The following MCPH1 variants were observed in gnomAD, a reference collection of about 807,000 sequenced individuals.
The protein encoded by MCPH1 is microcephalin.
Under a neutral mutation model 84.5 loss-of-function variants are expected in MCPH1, and 104 were observed. The ratio of observed to expected loss-of-function variants is 1.23; its 90% confidence interval spans 1.05 to 1.45. The LOEUF (loss-of-function observed/expected upper bound fraction) is 1.45, where lower values mean the gene tolerates loss of function less well. MCPH1 is among the 40% of genes most tolerant of loss of function. MCPH1 has a pLI of 0.00. For missense variants in MCPH1, 1,498 were observed against 1,005.7 expected (o/e 1.49, Z -6.62); for synonymous variants, 514 against 366.8 (o/e 1.40, Z -4.58).
chr8:6,474,387 A>T (rs1432329850), intron 9 of MCPH1: 4 of 321,430 alleles, frequency 1.2e-5, no homozygotes, highest in African/African-American at 4.3e-5. Flanking sequence ...GACTGAACTC[A>T]GGGAGTCTGT....
chr8:6,531,242 G>A (rs1563076574), intron 12 of MCPH1, among the ~76,000 whole-genome samples: 2 of 150,754 alleles, frequency 1.3e-5, no homozygotes, highest in South Asian at 4.3e-4. Context: ...TTCTTCTTTT[G>A]AAATTTTCCT....
chr8:6,499,355 A>G (rs939941383), intron 11 of MCPH1, among the ~76,000 whole-genome samples: 1 of 152,172 alleles, frequency 6.6e-6, no homozygotes, highest in Non-Finnish European at 1.5e-5. Context: ...AAGTCTGGGA[A>G]GGAATTTCAA....
chr8:6,546,568 T>A (rs924243914), intron 12 of MCPH1, among the ~76,000 whole-genome samples: 1 of 152,170 alleles, frequency 6.6e-6, no homozygotes, highest in African/African-American at 2.4e-5. Context: ...TATATGTATA[T>A]TGGTATTTTC....
At chr8:6,558,112 A>C (rs1465100428) in intron 12 of MCPH1, among the ~76,000 whole-genome samples, 1 of 152,062 alleles carries the variant, frequency 6.6e-6, no homozygotes, top group South Asian at 2.1e-4. Context: ...ACCTCTCGTC[A>C]TGTCATTTTT....
intron 9 of MCPH1, among the ~76,000 whole-genome samples, chr8:6,457,564 C>G (rs1805832302): frequency 2.0e-5 from 3 of 152,092 alleles, no homozygotes; most frequent in Admixed American, 1.3e-4. Flanking sequence ...GAGATCATGC[C>G]ACTGCACTCC....
At chr8:6,610,512 A>T (rs1370270789) in intron 12 of MCPH1, among the ~76,000 whole-genome samples, 2 of 152,162 alleles carry the variant, frequency 1.3e-5, no homozygotes, top group East Asian at 1.9e-4. Flanking sequence ...AAAAGCCATA[A>T]TCTTCCTCCA....
chr8:6,595,196 C>T (rs964448909), intron 12 of MCPH1, among the ~76,000 whole-genome samples: 2 of 152,170 alleles, frequency 1.3e-5, no homozygotes, highest in Non-Finnish European at 2.9e-5. Flanking sequence ...TGCCTGCATA[C>T]TTGGGATATG....
At chr8:6,590,146 A>G (rs1204446301) in intron 12 of MCPH1, among the ~76,000 whole-genome samples, 1 of 152,156 alleles carries the variant, frequency 6.6e-6, no homozygotes, top group South Asian at 2.1e-4. Flanking sequence ...AGCTGAAAAA[A>G]GTATTTTTGC....
At chr8:6,411,814 G>C (rs1798573519) in intron 2 of MCPH1, among the ~76,000 whole-genome samples, 1 of 152,178 alleles carries the variant, frequency 6.6e-6, no homozygotes, top group Non-Finnish European at 1.5e-5. Flanking sequence ...GGCATCCACT[G>C]GGAGGGGTTG....
intron 13 of MCPH1, among the ~76,000 whole-genome samples, chr8:6,637,091 C>G (rs548567973): frequency 6.6e-6 from 1 of 152,352 alleles, no homozygotes; most frequent in African/African-American, 2.4e-5. Flanking sequence ...CACATGGTAT[C>G]AGGTCATTCA....
At chr8:6,558,254 C>T (rs913086813) in intron 12 of MCPH1, among the ~76,000 whole-genome samples, 7 of 152,152 alleles carry the variant, frequency 4.6e-5, no homozygotes, top group African/African-American at 1.7e-4. Context: ...GTGCTAATCT[C>T]CAAGAAAGGG....
At chr8:6,526,940 T>A (rs1187832075) in intron 12 of MCPH1, among the ~76,000 whole-genome samples, 1 of 152,194 alleles carries the variant, frequency 6.6e-6, no homozygotes, top group Non-Finnish European at 1.5e-5. Flanking sequence ...ATTAATATAA[T>A]CATGTTTAAT....
intron 12 of MCPH1, chr8:6,520,063 A>T: frequency 6.4e-7 from 1 of 1,554,088 alleles, no homozygotes; most frequent in South Asian, 1.2e-5. Flanking sequence ...TTCAAGAGCC[A>T]ATCATTTGGT....
At chr8:6,537,546 A>C (rs1402809933) in intron 12 of MCPH1, among the ~76,000 whole-genome samples, 1 of 41,386 alleles carries the variant, frequency 2.4e-5, no homozygotes, top group Non-Finnish European at 6.6e-5. Context: ...TTAATGCAAC[A>C]TATATATATA....
chr8:6,474,951 C>T (rs1204094681), intron 9 of MCPH1, among the ~76,000 whole-genome samples: 3 of 152,176 alleles, frequency 2.0e-5, no homozygotes, highest in Non-Finnish European at 4.4e-5. Context: ...AATGTGTGAA[C>T]TTGAATTCTT....
intron 12 of MCPH1, among the ~76,000 whole-genome samples, chr8:6,540,264 C>G (rs190705529): frequency 6.6e-6 from 1 of 152,304 alleles, no homozygotes; most frequent in East Asian, 1.9e-4. Context: ...CTTACCACTA[C>G]TCCAAAATTT....
chr8:6,530,334 C>G (rs1037220961), intron 12 of MCPH1, among the ~76,000 whole-genome samples: 1 of 151,826 alleles, frequency 6.6e-6, no homozygotes, highest in Non-Finnish European at 1.5e-5. Flanking sequence ...GTGGTGAAAC[C>G]CTGTCTCTAC....
intron 3 of MCPH1, among the ~76,000 whole-genome samples, chr8:6,418,094 A>G (rs781435059): frequency 3.1e-4 from 47 of 152,164 alleles, no homozygotes; most frequent in Non-Finnish European, 3.4e-4. Flanking sequence ...TTGAACTTCT[A>G]TACTCAGAAT....
Position 6,513,440 on chromosome 8 carries a change from C to T in MCPH1, c.2214+13511C>T, listed in dbSNP as rs553662693. Reference sequence around the variant, plus strand: ...CTCCGCCTCCCGGGTTCACGCCATTCTTCTGCCTCAGCCTCCCGAGTAGCT... The same window carrying T: ...CTCCGCCTCCCGGGTTCACGCCATTTTTCTGCCTCAGCCTCCCGAGTAGCT... On this transcript the variant is annotated intron_variant, in intron 12 of 13. Transcript: ENST00000344683. 1.8e-4 allele frequency among the ~76,000 whole-genome samples: 27 copies of T among 151,492 alleles called. No individual in the cohort carries two copies. The South Asian group carries it at 5.6e-3, about 32-fold the overall frequency.
Sources: gnomAD v4.1 joint callset for allele counts (sites outside exome capture counted in the v4.1 genomes callset) on GRCh38, gnomAD v4.1.1 for gene constraint, MANE v1.5 for transcripts, NCBI Gene and HGNC (gene_info 2026-07-23, HGNC 2026-07-21) for gene names.